Variants in COL4A4 observed in about 807,000 individuals in gnomAD.
COL4A4 encodes the protein collagen alpha-4(IV) chain.
A neutral mutation model predicts 192.9 loss-of-function variants in COL4A4; 105 were observed. The ratio of observed to expected loss-of-function variants is 0.54; its 90% CI spans 0.46 to 0.64. The LOEUF (loss-of-function observed/expected upper bound fraction) is 0.64. Ranked by LOEUF, COL4A4 falls within the 30% of genes least tolerant of loss-of-function variation. COL4A4 has a pLI of 0.00. For missense variants in COL4A4, 1,967 were observed against 2,169.3 expected, an observed-to-expected ratio of 0.91 and a Z score of 1.85; for synonymous variants, 762 against 769.9, an observed-to-expected ratio of 0.99 and a Z score of 0.17.
chr2:227,153,430 C>T (rs557763628), intron 1 of COL4A4, among the ~76,000 whole-genome samples: 3 of 152,324 alleles, frequency 2.0e-5, no homozygotes, highest in African/African-American at 7.2e-5. Flanking sequence ...ACAGTTGTGT[C>T]AGAGCCCCAC....
In COL4A4 at chr2:227,088,675, G is replaced by T; in HGVS notation, c.1601C>A (p.Ala534Asp). Residue 534 changes from alanine (A) to aspartate (D), a missense_variant, in exon 22 of 48, where the codon GCT (alanine) becomes GAT (aspartate). By Grantham distance (126) the Ala-to-Asp change is moderately radical. Transcript: ENST00000396625. Reference sequence around the variant, plus strand: ...CACTGGTAGCCCTGGAGGTCCTTCAGCACCAGGAGGTCCTGGGTCACCTTT... The same window carrying T: ...CACTGGTAGCCCTGGAGGTCCTTCATCACCAGGAGGTCCTGGGTCACCTTT... Reference protein sequence around the residue: ...GTKGDPGPPGAEGPPGLPGKH... With the variant: ...GTKGDPGPPGDEGPPGLPGKH... 6.2e-7 allele frequency: 1 copy of T among 1,614,136 alleles called. No homozygotes were observed. Among genetic ancestry groups the T allele is most frequent in the South Asian group, 1.1e-5 (1 of 91,080 alleles).
intron 29 of COL4A4, among the ~76,000 whole-genome samples, chr2:227,056,658 CTA>C (rs1975439393): frequency 6.6e-6 from 1 of 152,312 alleles, no homozygotes; most frequent in East Asian, 1.9e-4. Context: ...ATAGCCCCTG[CTA>C]TGTTCTGAAT....
At chr2:226,967,553 A>G in the COL4A4 span, among the ~76,000 whole-genome samples, 1 of 112,732 alleles carries the variant, frequency 8.9e-6, no homozygotes, top group Non-Finnish European at 1.7e-5. Flanking sequence ...CCCACCTCTA[A>G]CTTTCTGCAT....
intron 25 of COL4A4, among the ~76,000 whole-genome samples, chr2:227,073,697 C>T (rs2058849648): frequency 6.6e-6 from 1 of 151,958 alleles, no homozygotes; most frequent in African/African-American, 2.4e-5. Context: ...TAAAAGTAGG[C>T]ACATACACCA....
Position 227,026,976 on chromosome 2 carries a change from C to T in COL4A4, c.4081+926G>A, listed in dbSNP as rs145642782. 1.6e-3 allele frequency among the ~76,000 whole-genome samples: 243 copies of T among 152,224 alleles called. 1 individual carries two copies. Among genetic ancestry groups the T allele is most frequent in the African/African-American group, 5.6e-3 (234 of 41,544 alleles). ...TCCCTTAGAAACAGTCTATGTGGGC[C>T]AAGCACAGTGGCTCATGCCTGTAAT... On this transcript the variant is annotated intron_variant, in intron 42 of 47. Coordinates refer to ENST00000396625, the MANE Select transcript of COL4A4 (RefSeq NM_000092.5).
At chr2:226,992,192 T>C in the COL4A4 span, among the ~76,000 whole-genome samples, 1 of 152,014 alleles carries the variant, frequency 6.6e-6, no homozygotes, top group South Asian at 2.1e-4. Flanking sequence ...GAAGACAGAG[T>C]GTACCTGAGA....
At chr2:226,993,401 C>T in the COL4A4 span, among the ~76,000 whole-genome samples, 7 of 152,170 alleles carry the variant, frequency 4.6e-5, no homozygotes, top group South Asian at 1.5e-3. Flanking sequence ...AAGTCCTGGC[C>T]TGCACTCACA....
At position 227,007,592 on chromosome 2, in the gene COL4A4, C is replaced by T. The variant is rs1962439099; in HGVS notation, c.4810-4G>A. On this transcript the variant is annotated splice_region_variant and splice_polypyrimidine_tract_variant and intron_variant, in intron 47 of 47. Coordinates refer to ENST00000396625, the MANE Select transcript of COL4A4 (RefSeq NM_000092.5). ...CTTGGTCCCCAGCTCCTGTGTGCTA[C>T]CCAGAAAACAAGAGAGAATTAGGGC... 7.4e-6 allele frequency: 12 copies of T among 1,612,318 alleles called. No individual in the cohort carries two copies. Among genetic ancestry groups the T allele is most frequent in the Non-Finnish European group, 1.0e-5 (12 of 1,180,024 alleles).
At chr2:226,989,364 T>C in the COL4A4 span, among the ~76,000 whole-genome samples, 2 of 152,198 alleles carry the variant, frequency 1.3e-5, no homozygotes, top group Non-Finnish European at 1.5e-5. Flanking sequence ...ATCAGGATCA[T>C]GGGTACTGTT....
intron 1 of COL4A4, among the ~76,000 whole-genome samples, chr2:227,159,313 G>A (rs889079301): frequency 1.3e-5 from 2 of 152,204 alleles, no homozygotes; most frequent in African/African-American, 4.8e-5. Flanking sequence ...GTCTGAGGAT[G>A]GGGTTTGGAA....
chr2:227,070,566 G>T (rs1429815811), intron 25 of COL4A4, among the ~76,000 whole-genome samples: 3 of 152,134 alleles, frequency 2.0e-5, no homozygotes, highest in Non-Finnish European at 4.4e-5. Context: ...CATGTCCTTT[G>T]TAGGGACATG....
chr2:227,124,992 G>C (rs1466402813), intron 4 of COL4A4, among the ~76,000 whole-genome samples: 5 of 152,100 alleles, frequency 3.3e-5, no homozygotes. Flanking sequence ...ATATAAAAGG[G>C]TAACTGAAAA....
the COL4A4 span, chr2:226,995,701 C>T: frequency 1.0e-5 from 6 of 601,150 alleles, no homozygotes; most frequent in Middle Eastern, 4.0e-4. Context: ...TCACAGCTTG[C>T]GGGGAGTGGG....
intron 13 of COL4A4, 24 bp from the exon 14 acceptor site, chr2:227,103,221 T>A (rs1458619493): frequency 6.3e-7 from 1 of 1,588,740 alleles, no homozygotes. Flanking sequence ...TGAATATAAT[T>A]TGGTCTATTC....
At chr2:226,997,071 T>C in the COL4A4 span, 29 of 152,346 alleles carry the variant, frequency 1.9e-4, no homozygotes, top group African/African-American at 6.3e-4. Flanking sequence ...TGAATTTACC[T>C]GGAAGAGGCC....
At chr2:226,981,435 CAAA>C in the COL4A4 span, among the ~76,000 whole-genome samples, 20 of 137,104 alleles carry the variant, frequency 1.5e-4, no homozygotes, top group East Asian at 3.3e-3. Context: ...CATTGAACTT[CAAA>C]AAAAAAAAAA....
At chr2:227,078,346 G>A (rs1461360619) in intron 24 of COL4A4, among the ~76,000 whole-genome samples, 3 of 152,028 alleles carry the variant, frequency 2.0e-5, no homozygotes, top group South Asian at 2.1e-4. Flanking sequence ...AGGTTCAAGC[G>A]ATTCTCCTGC....
At chr2:227,117,646 TAAA>T (rs35388222) in intron 7 of COL4A4, among the ~76,000 whole-genome samples, 6 of 136,874 alleles carry the variant, frequency 4.4e-5, no homozygotes, top group African/African-American at 1.3e-4. Context: ...GGAGAAATGC[TAAA>T]AAAAAAAAAA....
In COL4A4 at chr2:227,150,965, A is replaced by G. The variant is rs947002024; in HGVS notation, c.-101-3381T>C. Among the ~76,000 whole-genome samples the G allele has an allele frequency of 4.9e-4, 75 of 152,030 alleles. 1 individual carries two copies. The highest frequency in any genetic ancestry group is 1.8e-3 in the African/African-American group (73 of 41,468). On this transcript the variant is annotated intron_variant, in intron 1 of 47. Transcript: ENST00000396625. ...CTCTTTTAATAGCTACAAAGAATATAATTTCTGGAGTATTATAAATGATGA... is the reference window on the plus strand; with the variant it reads ...CTCTTTTAATAGCTACAAAGAATATGATTTCTGGAGTATTATAAATGATGA...
Sources: gnomAD v4.1 joint callset for allele counts (sites outside exome capture counted in the v4.1 genomes callset) on GRCh38, gnomAD v4.1.1 for gene constraint, MANE v1.5 for transcripts, NCBI Gene and HGNC (gene_info 2026-07-23, HGNC 2026-07-21) for gene names.